SLC24A3: variants seen among roughly 807,000 people sequenced by gnomAD.
SLC24A3 encodes the protein solute carrier family 24 member 3.
SLC24A3 carries 28 observed loss-of-function variants against 75.8 expected under a neutral mutation model. That is an observed-to-expected ratio of 0.37 (90% CI 0.27 to 0.51). SLC24A3 has a LOEUF of 0.51. Ranked by LOEUF, SLC24A3 falls within the 20% of genes least tolerant of loss-of-function variation. The pLI is 0.94. For missense variants in SLC24A3, 663 were observed against 847.8 expected (o/e 0.78, Z 2.71); for synonymous variants, 372 against 334.1 (o/e 1.11, Z -1.24).
At chr20:19,338,686 A>G (rs1985194740) in intron 2 of SLC24A3, among the ~76,000 whole-genome samples, 1 of 152,186 alleles carries the variant, frequency 6.6e-6, no homozygotes, top group Non-Finnish European at 1.5e-5. Context: ...TTACATGCAG[A>G]TGTGACCTTG....
rs151079956 is a variant in SLC24A3, at chr20:19,483,442, G to A, written c.272-32046G>A. Among the ~76,000 whole-genome samples, 566 of 152,334 alleles carry A rather than the reference G, an allele frequency of 3.7e-3. 8 individuals carry two copies. The highest frequency in any genetic ancestry group is 0.023 in the Admixed American group (352 of 15,306). The stretch of plus-strand genomic sequence containing the variant: ...AGAATTTGGCTATCACATTTCAGTG[G>A]ATTGTGGGGCTGTGGAGTAATTGTG... On this transcript the variant is annotated intron_variant, in intron 2 of 16. Coordinates refer to ENST00000328041, the MANE Select transcript of SLC24A3 (RefSeq NM_020689.4).
At chr20:19,388,144 T>G (rs1986303644) in intron 2 of SLC24A3, among the ~76,000 whole-genome samples, 1 of 152,172 alleles carries the variant, frequency 6.6e-6, no homozygotes, top group African/African-American at 2.4e-5. Flanking sequence ...ATTAAGTTAT[T>G]ATTGACTGTA....
chr20:19,701,601 T>A (rs2032874478), intron 15 of SLC24A3, among the ~76,000 whole-genome samples: 1 of 152,186 alleles, frequency 6.6e-6, no homozygotes, highest in Admixed American at 6.5e-5. Context: ...GTGACAAGGA[T>A]GCCAATGAAG....
chr20:19,280,847 G>A (rs1047053599), intron 1 of SLC24A3, 112 bp from the exon 2 acceptor site: 2 of 1,444,862 alleles, frequency 1.4e-6, no homozygotes, highest in Non-Finnish European at 1.9e-6. Context: ...GTGGCTGGGG[G>A]TGCAGGCGGG....
chr20:19,349,707 T>C (rs1985522873), intron 2 of SLC24A3, among the ~76,000 whole-genome samples: 1 of 152,202 alleles, frequency 6.6e-6, no homozygotes, highest in Non-Finnish European at 1.5e-5. Context: ...GATAAATTAC[T>C]TTGTTGACTC....
At chr20:19,251,675 G>A (rs1302993156) in intron 1 of SLC24A3, among the ~76,000 whole-genome samples, 1 of 152,160 alleles carries the variant, frequency 6.6e-6, no homozygotes, top group Non-Finnish European at 1.5e-5. Flanking sequence ...TCAGTCCTCT[G>A]CAGGTTGAGG....
intron 6 of SLC24A3, among the ~76,000 whole-genome samples, chr20:19,594,470 T>G (rs1171696166): frequency 6.6e-6 from 1 of 152,250 alleles, no homozygotes; most frequent in African/African-American, 2.4e-5. Flanking sequence ...GCCAGGGTCA[T>G]AGTCCACTGA....
intron 7 of SLC24A3, among the ~76,000 whole-genome samples, chr20:19,661,388 C>T (rs2032324502): frequency 6.6e-6 from 1 of 152,102 alleles, no homozygotes; most frequent in Admixed American, 6.6e-5. Flanking sequence ...GCCAGCTTCC[C>T]AGTGTATTCC....
chr20:19,676,475 T>C (rs984040851), intron 9 of SLC24A3, among the ~76,000 whole-genome samples: 21 of 152,186 alleles, frequency 1.4e-4, no homozygotes, highest in Non-Finnish European at 3.1e-4. Context: ...TCTTTAGCCA[T>C]CCCCCTCTGC....
At chr20:19,469,586 A>G (rs1987831283) in intron 2 of SLC24A3, among the ~76,000 whole-genome samples, 1 of 152,172 alleles carries the variant, frequency 6.6e-6, no homozygotes, top group South Asian at 2.1e-4. Context: ...TCCAGTAGAC[A>G]TCAGTGACCT....
intron 2 of SLC24A3, among the ~76,000 whole-genome samples, chr20:19,301,792 C>T (rs573971757): frequency 7.2e-5 from 11 of 152,296 alleles, no homozygotes; most frequent in African/African-American, 1.9e-4. Flanking sequence ...AAATGCTTAT[C>T]TCCTCTTCAG....
chr20:19,615,881 C>T (rs750483302), intron 6 of SLC24A3, among the ~76,000 whole-genome samples: 1 of 152,144 alleles, frequency 6.6e-6, no homozygotes, highest in South Asian at 2.1e-4. Flanking sequence ...TGTTGGCTTC[C>T]CTGCTTTTGA....
intron 2 of SLC24A3, among the ~76,000 whole-genome samples, chr20:19,315,689 G>A (rs191761735): frequency 6.6e-6 from 1 of 152,312 alleles, no homozygotes; most frequent in Non-Finnish European, 1.5e-5. Context: ...ATCTGTTGAT[G>A]TGGATCCAGT....
intron 1 of SLC24A3, among the ~76,000 whole-genome samples, chr20:19,233,289 G>A (rs1982075934): frequency 6.6e-6 from 1 of 152,228 alleles, no homozygotes; most frequent in South Asian, 2.1e-4. Flanking sequence ...GGAGGAGAAG[G>A]ATGTCCGCTC....
At chr20:19,702,212 A>G (rs1289813168) in intron 15 of SLC24A3, among the ~76,000 whole-genome samples, 1 of 152,210 alleles carries the variant, frequency 6.6e-6, no homozygotes, top group Non-Finnish European at 1.5e-5. Flanking sequence ...TCTTTAGAGA[A>G]CAAAAAAAAT....
chr20:19,702,368 A>G (rs1568703829), intron 15 of SLC24A3, among the ~76,000 whole-genome samples: 1 of 152,244 alleles, frequency 6.6e-6, no homozygotes, highest in African/African-American at 2.4e-5. Flanking sequence ...TTTCACCTGA[A>G]GATGACATAA....
intron 6 of SLC24A3, among the ~76,000 whole-genome samples, chr20:19,615,678 A>G (rs1425631837): frequency 6.6e-6 from 1 of 152,260 alleles, no homozygotes; most frequent in Non-Finnish European, 1.5e-5. Context: ...AGAACAAAAC[A>G]GGCAGAACAA....
chr20:19,454,767 A>G (rs181812362), intron 2 of SLC24A3, among the ~76,000 whole-genome samples: 39 of 152,194 alleles, frequency 2.6e-4, no homozygotes, highest in African/African-American at 9.4e-4. Flanking sequence ...GATGAAATGT[A>G]ATCAGGTTAA....
At chr20:19,395,543 A>G (rs1986439435) in intron 2 of SLC24A3, among the ~76,000 whole-genome samples, 1 of 152,256 alleles carries the variant, frequency 6.6e-6, no homozygotes, top group African/African-American at 2.4e-5. Context: ...GTAGGCATGT[A>G]GAGAACTACA....
Sources: gnomAD v4.1 joint callset for allele counts (sites outside exome capture counted in the v4.1 genomes callset) on GRCh38, gnomAD v4.1.1 for gene constraint, MANE v1.5 for transcripts, NCBI Gene and HGNC (gene_info 2026-07-23, HGNC 2026-07-21) for gene names.